TRAPPC8: variants seen among roughly 807,000 people sequenced by gnomAD.
TRAPPC8 encodes general sporulation gene 1 homolog.
Under a neutral mutation model 174.3 loss-of-function variants are expected in TRAPPC8, and 54 were observed. That is an observed-to-expected ratio of 0.31 (90% confidence interval 0.25 to 0.39). The LOEUF (loss-of-function observed/expected upper bound fraction) is 0.39, where lower values mean the gene tolerates loss of function less well. Among genes scored for constraint, TRAPPC8 ranks in the 10% least tolerant of loss-of-function variants. The pLI is 1.00. For synonymous variants in TRAPPC8, 630 were observed against 579.9 expected (o/e 1.09, Z -1.24); for missense variants, 1,531 against 1,699.1 (o/e 0.90, Z 1.74).
rs1297928257 is a variant in TRAPPC8 at position 31,839,291 on chromosome 18, T to C, written c.3983+21A>G. On this transcript the variant is annotated intron_variant, in intron 27 of 28. Transcript: ENST00000283351. ...GCCAGTGTGTTGTAGAAAATTTTGGTAACAAAAATAAAGCTCAAACCTTTT... is the reference window on the plus strand; with the variant it reads ...GCCAGTGTGTTGTAGAAAATTTTGGCAACAAAAATAAAGCTCAAACCTTTT... 4.4e-6 allele frequency: 7 copies of C among 1,584,178 alleles called. No homozygotes were observed. In the South Asian group the frequency reaches 8.2e-5, roughly 19 times the overall value.
intron 21 of TRAPPC8, among the ~76,000 whole-genome samples, chr18:31,855,238 C>A (rs1320141089): frequency 6.6e-6 from 1 of 151,938 alleles, no homozygotes; most frequent in Non-Finnish European, 1.5e-5. Context: ...ACAGGAATGG[C>A]AATATTTCAG....
chr18:31,880,106 T>A lies in TRAPPC8; in HGVS notation c.1729-5402A>T, dbSNP rs1156784044. ...GAAAAAAAAAATATATATATATATA[T>A]ATATATATATATATATTTTTTTTTT... On this transcript the variant is annotated intron_variant, in intron 12 of 28. Transcript: ENST00000283351. Among the ~76,000 whole-genome samples the A allele has an allele frequency of 7.9e-4, 70 of 88,808 alleles. 1 individual carries two copies. Among genetic ancestry groups the A allele is most frequent in the African/African-American group, 3.3e-3 (69 of 20,766 alleles). 58.3% of individuals were successfully genotyped at this position (88,808 alleles called of 152,430 possible). A position where few individuals can be genotyped will look rare whatever the true frequency, so the allele number is the denominator to read the frequency against.
chr18:31,875,864 T>A (rs998148269), intron 12 of TRAPPC8, among the ~76,000 whole-genome samples: 2 of 152,060 alleles, frequency 1.3e-5, no homozygotes, highest in African/African-American at 4.8e-5. Context: ...GCTAAAACAG[T>A]GGATTTCATG....
At chr18:31,836,114 T>TA (rs915597289) in intron 27 of TRAPPC8, among the ~76,000 whole-genome samples, 115 of 152,296 alleles carry the variant, frequency 7.6e-4, no homozygotes, top group African/African-American at 2.2e-3. Context: ...CAATGACTAA[T>TA]AGAGATGGAC....
At chr18:31,929,542 T>A (rs142603499) in intron 2 of TRAPPC8, among the ~76,000 whole-genome samples, 2 of 151,944 alleles carry the variant, frequency 1.3e-5, no homozygotes, top group African/African-American at 4.8e-5. Context: ...AAAAAACATA[T>A]TAGCCTGGCA....
chr18:31,863,109 A>G (rs1392350059), intron 19 of TRAPPC8, among the ~76,000 whole-genome samples: 1 of 152,068 alleles, frequency 6.6e-6, no homozygotes, highest in Non-Finnish European at 1.5e-5. Context: ...TGGAGGGGAA[A>G]AAAATCATAC....
intron 1 of TRAPPC8, among the ~76,000 whole-genome samples, chr18:31,934,891 G>C (rs2038013377): frequency 1.3e-5 from 2 of 150,946 alleles, no homozygotes; most frequent in Admixed American, 6.6e-5. Flanking sequence ...TGGGCAATGA[G>C]AGCTGAGATC....
chr18:31,868,381 G>A (rs1042987749), intron 16 of TRAPPC8, among the ~76,000 whole-genome samples: 1 of 152,102 alleles, frequency 6.6e-6, no homozygotes, highest in African/African-American at 2.4e-5. Flanking sequence ...ATTATTTTAA[G>A]AAACACTTCA....
chr18:31,860,657 C>T (rs2034279075), intron 19 of TRAPPC8, among the ~76,000 whole-genome samples: 1 of 152,026 alleles, frequency 6.6e-6, no homozygotes, highest in South Asian at 2.1e-4. Context: ...ATTTTTTCAC[C>T]AGTTTTCATG....
chr18:31,836,981 C>G (rs1242850362), intron 27 of TRAPPC8, among the ~76,000 whole-genome samples: 2 of 151,986 alleles, frequency 1.3e-5, no homozygotes, highest in East Asian at 1.9e-4. Flanking sequence ...CCAGGATGGT[C>G]TTGATCTCCT....
At chr18:31,913,572 A>G (rs542185200) in intron 4 of TRAPPC8, 50 bp from the exon 5 acceptor site, 2 of 1,416,252 alleles carry the variant, frequency 1.4e-6, no homozygotes, top group East Asian at 5.0e-5. Context: ...AGCAGGCCTT[A>G]GGCAATAATA....
At chr18:31,834,001 C>A (rs545061330) in intron 27 of TRAPPC8, among the ~76,000 whole-genome samples, 245 of 101,028 alleles carry the variant, frequency 2.4e-3, no homozygotes, top group Middle Eastern at 0.015. Context: ...GACTCCGTCT[C>A]AAAAAAAAAA....
intron 18 of TRAPPC8, 127 bp downstream of exon 18, chr18:31,866,722 T>C: frequency 9.6e-7 from 1 of 1,037,618 alleles, no homozygotes; most frequent in Non-Finnish European, 1.3e-6. Flanking sequence ...CATTCTTACA[T>C]CTGGCTAAAT....
chr18:31,852,548 A>C, intron 23 of TRAPPC8, 44 bp from the exon 24 acceptor site: 1 of 1,613,792 alleles, frequency 6.2e-7, no homozygotes, highest in Non-Finnish European at 8.5e-7. Flanking sequence ...ATTGGCATAA[A>C]ATATAAAATG....
At chr18:31,934,321 A>G (rs955247614) in intron 1 of TRAPPC8, among the ~76,000 whole-genome samples, 2 of 152,196 alleles carry the variant, frequency 1.3e-5, no homozygotes, top group African/African-American at 4.8e-5. Context: ...TTTTTTTTAA[A>G]AGAAAAGATA....
intron 2 of TRAPPC8, among the ~76,000 whole-genome samples, chr18:31,928,694 CCTTA>C (rs1598752425): frequency 1.3e-5 from 2 of 152,074 alleles, no homozygotes; most frequent in East Asian, 3.8e-4. Flanking sequence ...ATAAATTAGA[CCTTA>C]CTATGATTAC....
intron 19 of TRAPPC8, among the ~76,000 whole-genome samples, chr18:31,861,367 C>G (rs2034312358): frequency 6.6e-6 from 1 of 152,026 alleles, no homozygotes; most frequent in South Asian, 2.1e-4. Flanking sequence ...TAAATACAGA[C>G]CTAGCAATAT....
intron 27 of TRAPPC8, among the ~76,000 whole-genome samples, chr18:31,834,351 C>G (rs560964537): frequency 6.6e-6 from 1 of 152,114 alleles, no homozygotes; most frequent in South Asian, 2.1e-4. Context: ...CTCAGGAGAT[C>G]CGCCCGCCTT....
At chr18:31,877,826 G>A (rs1402677571) in intron 12 of TRAPPC8, among the ~76,000 whole-genome samples, 17 of 151,788 alleles carry the variant, frequency 1.1e-4, no homozygotes, top group Non-Finnish European at 2.9e-5. Flanking sequence ...GGGAGGCTGA[G>A]GCAGGAGAAT....
Sources: allele counts gnomAD v4.1 joint callset (sites outside exome capture counted in the v4.1 genomes callset), GRCh38; gene constraint gnomAD v4.1.1; transcripts MANE v1.5; gene names NCBI Gene and HGNC (gene_info 2026-07-23, HGNC 2026-07-21).